SDK2: variants seen among roughly 807,000 people sequenced by gnomAD.
SDK2 encodes sidekick cell adhesion molecule 2, also known as protein sidekick-2.
SDK2 carries 105 observed loss-of-function variants against 253.9 expected under a neutral mutation model. That is an observed-to-expected ratio of 0.41 (90% CI 0.35 to 0.49). The LOEUF is 0.49. Ranked by LOEUF, SDK2 falls within the 20% of genes least tolerant of loss-of-function variation. SDK2 has a pLI of 0.06. For missense variants in SDK2, 2,608 were observed against 3,003.0 expected, an observed-to-expected ratio of 0.87 and a Z score of 3.07; for synonymous variants, 1,249 against 1,234.9, an observed-to-expected ratio of 1.01 and a Z score of -0.24.
intron 38 of SDK2, among the ~76,000 whole-genome samples, chr17:73,362,780 G>C (rs1336677330): frequency 6.6e-6 from 1 of 152,212 alleles, no homozygotes; most frequent in Admixed American, 6.5e-5. Flanking sequence ...TTCAGGAGGT[G>C]GGGGTTTGCA....
rs775869727 is a variant in SDK2 at position 73,388,044 on chromosome 17, G to T, written c.4193-7C>A. ...CTGGGGGGCTGCGGACGGTCTGGGA[G>T]GTGGCAGAGGGGGAGGAGCAGGTGA... On this transcript the variant is annotated splice_polypyrimidine_tract_variant and splice_region_variant and intron_variant, in intron 29 of 44. Coordinates refer to ENST00000392650, the MANE Select transcript of SDK2 (RefSeq NM_001144952.2). 2 of 1,560,374 alleles carry T rather than the reference G, an allele frequency of 1.3e-6. No homozygotes were observed. Among genetic ancestry groups the T allele is most frequent in the South Asian group, 2.4e-5 (2 of 84,794 alleles).
At chr17:73,399,508 G>A (rs11650986) in intron 21 of SDK2, among the ~76,000 whole-genome samples, 38,473 of 152,078 alleles carry the variant, frequency 0.25, 5,199 homozygotes, top group East Asian at 0.47. Flanking sequence ...GGGGGTCAAA[G>A]GGGATCTCCT....
chr17:73,438,366 C>T (rs375888438), intron 6 of SDK2, among the ~76,000 whole-genome samples: 1 of 152,284 alleles, frequency 6.6e-6, no homozygotes, highest in East Asian at 1.9e-4. Flanking sequence ...CATCTGTGCC[C>T]GCCCAGGGGG....
chr17:73,354,031 G>A (rs1046337303), intron 40 of SDK2, among the ~76,000 whole-genome samples: 1 of 151,988 alleles, frequency 6.6e-6, no homozygotes, highest in Admixed American at 6.6e-5. Context: ...ACAGCTGCAG[G>A]AAAGATTTGG....
chr17:73,527,968 T>C (rs985665682), intron 1 of SDK2, among the ~76,000 whole-genome samples: 6 of 151,934 alleles, frequency 3.9e-5, no homozygotes, highest in Middle Eastern at 3.4e-3. Flanking sequence ...CAAGAAGACC[T>C]GTGTTAGATT....
chr17:73,471,913 C>T (rs2063653785), intron 3 of SDK2, among the ~76,000 whole-genome samples, 199 bp downstream of exon 3: 1 of 152,156 alleles, frequency 6.6e-6, no homozygotes, highest in South Asian at 2.1e-4. Context: ...AGCTGCGTGA[C>T]CTTGAAGAGG....
chr17:73,505,211 T>C (rs556202702), intron 2 of SDK2, among the ~76,000 whole-genome samples: 1 of 152,332 alleles, frequency 6.6e-6, no homozygotes, highest in South Asian at 2.1e-4. Flanking sequence ...CCTTCTTCAA[T>C]GAGAGGCAGT....
rs973383321 is a variant in SDK2, at chr17:73,401,763, A to G, written c.2681-11T>C. 1 of 1,564,502 alleles carries G rather than the reference A, an allele frequency of 6.4e-7. No individual in the cohort carries two copies. On this transcript the variant is annotated splice_polypyrimidine_tract_variant and intron_variant, in intron 19 of 44. Transcript: ENST00000392650. Reference sequence around the variant, plus strand: ...CCACGGGCCCAGGCACTGCACCCCAAAAGGAACCCCCACCCCCCAAGGCCA... The same window carrying G: ...CCACGGGCCCAGGCACTGCACCCCAGAAGGAACCCCCACCCCCCAAGGCCA...
At position 73,415,350 on chromosome 17, in the gene SDK2, CTT is replaced by C. The variant is rs35201251; in HGVS notation, c.2368+459_2368+460del. ...CATAGTCTCTTTTCATTTCATTTCA[CTT>C]TTTTTTTTTTTTTTTTTTGAGACAG... On this transcript the variant is annotated intron_variant, in intron 17 of 44. Coordinates refer to ENST00000392650, the MANE Select transcript of SDK2 (RefSeq NM_001144952.2). 1.8e-4 allele frequency among the ~76,000 whole-genome samples: 22 copies of C among 122,088 alleles called. No homozygotes were observed. The South Asian group carries it at 2.1e-3, about 12-fold the overall frequency. The allele number at this position is 122,088 out of a possible 152,430, so 80.1% of individuals were successfully genotyped here.
In SDK2 at chr17:73,455,230, C is replaced by T. The variant is rs758142631; in HGVS notation, c.479+676G>A. On this transcript the variant is annotated intron_variant, in intron 4 of 44. Transcript: ENST00000392650. The surrounding 1 kb of genome is among the most constrained non-coding windows in gnomAD (Gnocchi z 5.0). ...GGAGAGCCCCAGCTGCCTCCAGACC[C>T]GGGGGTGGCTCAGGAGGGCGGGGAG... is the stretch of plus-strand genomic sequence containing the variant. 7.2e-5 allele frequency among the ~76,000 whole-genome samples: 11 copies of T among 152,006 alleles called. No homozygotes were observed. Among genetic ancestry groups the T allele is most frequent in the African/African-American group, 2.7e-4 (11 of 41,394 alleles).
At chr17:73,428,713 C>G (rs1321009256) in intron 12 of SDK2, among the ~76,000 whole-genome samples, 3 of 152,232 alleles carry the variant, frequency 2.0e-5, no homozygotes, top group African/African-American at 7.2e-5. Flanking sequence ...CTGGGTCTCA[C>G]CCCATCCCCA....
intron 1 of SDK2, among the ~76,000 whole-genome samples, chr17:73,590,862 T>C (rs2145898586): frequency 1.3e-5 from 2 of 152,324 alleles, no homozygotes; most frequent in South Asian, 4.1e-4. Context: ...ACCACCGGAC[T>C]GTAGGAAGGC....
At chr17:73,367,993 T>A (rs1359595749) in intron 37 of SDK2, among the ~76,000 whole-genome samples, 1 of 152,178 alleles carries the variant, frequency 6.6e-6, no homozygotes. Context: ...GGTCTCACTG[T>A]TGTGTCCCTA....
At chr17:73,497,772 C>T (rs2063854944) in intron 2 of SDK2, among the ~76,000 whole-genome samples, 2 of 152,164 alleles carry the variant, frequency 1.3e-5, no homozygotes, top group Admixed American at 1.3e-4. Context: ...ACATGAGCAT[C>T]TGATCATGTC....
At chr17:73,613,793 G>T (rs551095179) in intron 1 of SDK2, among the ~76,000 whole-genome samples, 3 of 150,862 alleles carry the variant, frequency 2.0e-5, no homozygotes, top group South Asian at 4.3e-4. Context: ...ATGAGGAGGG[G>T]GACAGGGAAG....
intron 1 of SDK2, among the ~76,000 whole-genome samples, chr17:73,568,617 A>G (rs184827597): frequency 2.0e-5 from 3 of 152,324 alleles, no homozygotes; most frequent in Admixed American, 2.0e-4. Flanking sequence ...AGAGCCTCAG[A>G]CTGGAGATGA....
chr17:73,513,172 A>AGTGACAAATG (rs1329926691), intron 1 of SDK2, among the ~76,000 whole-genome samples: 1 of 152,136 alleles, frequency 6.6e-6, no homozygotes, highest in East Asian at 1.9e-4. Flanking sequence ...AACAAAAAGA[A>AGTGACAAATG]GTGACAAATG....
intron 1 of SDK2, among the ~76,000 whole-genome samples, chr17:73,542,617 G>C (rs979764371): frequency 1.3e-5 from 2 of 152,172 alleles, no homozygotes; most frequent in African/African-American, 4.8e-5. Flanking sequence ...GGTGGAGGCA[G>C]GGCAGGATTA....
At chr17:73,501,741 T>C (rs2063892825) in intron 2 of SDK2, among the ~76,000 whole-genome samples, 2 of 152,224 alleles carry the variant, frequency 1.3e-5, no homozygotes, top group African/African-American at 4.8e-5. Flanking sequence ...TCCAGGATCT[T>C]GTCGAGACAG....
Sources: allele counts gnomAD v4.1 joint callset (sites outside exome capture counted in the v4.1 genomes callset), GRCh38; gene constraint gnomAD v4.1.1; non-coding constraint Gnocchi (gnomAD v3.1); transcripts MANE v1.5; gene names NCBI Gene and HGNC (gene_info 2026-07-23, HGNC 2026-07-21).